Variants in RIMS2 observed in about 807,000 individuals in gnomAD.
RIMS2 encodes regulating synaptic membrane exocytosis 2, also known as regulating synaptic membrane exocytosis protein 2.
Under a neutral mutation model 174.4 loss-of-function variants are expected in RIMS2, and 59 were observed. That is an observed-to-expected ratio of 0.34 (90% CI 0.27 to 0.42). The LOEUF (loss-of-function observed/expected upper bound fraction) is 0.42, where lower values mean the gene tolerates loss of function less well. Among genes scored for constraint, RIMS2 ranks in the 10% least tolerant of loss-of-function variants. The probability of loss-of-function intolerance (pLI) is 1.00; values close to 1 mark genes in which losing one functional copy is unlikely to be tolerated. For synonymous variants in RIMS2, 606 were observed against 572.5 expected (o/e 1.06, Z -0.84); for missense variants, 1,620 against 1,666.3 (o/e 0.97, Z 0.48).
intron 1 of RIMS2, among the ~76,000 whole-genome samples, chr8:103,673,614 G>C (rs1430760455): frequency 6.6e-6 from 1 of 152,156 alleles, no homozygotes; most frequent in African/African-American, 2.4e-5. Context: ...AGCATGCCAG[G>C]TGCCATGTCT....
At chr8:103,783,649 T>G (rs2098413782) in intron 3 of RIMS2, among the ~76,000 whole-genome samples, 1 of 152,208 alleles carries the variant, frequency 6.6e-6, no homozygotes, top group Admixed American at 6.5e-5. Context: ...TGCCACATTT[T>G]CTTAATCCAG....
chr8:103,609,378 A>G (rs1013717987), intron 1 of RIMS2, among the ~76,000 whole-genome samples: 7 of 152,096 alleles, frequency 4.6e-5, no homozygotes, highest in African/African-American at 1.4e-4. Context: ...CTATTTGCCA[A>G]TGTTTGTTTT....
intron 19 of RIMS2, among the ~76,000 whole-genome samples, chr8:104,048,467 T>C (rs2096730493): frequency 6.6e-6 from 1 of 152,072 alleles, no homozygotes; most frequent in African/African-American, 2.4e-5. Flanking sequence ...GATAACAGAG[T>C]AGCAGTGAAA....
chr8:104,177,817 G>A (rs1035060639), intron 19 of RIMS2, among the ~76,000 whole-genome samples: 1 of 152,200 alleles, frequency 6.6e-6, no homozygotes, highest in African/African-American at 2.4e-5. Context: ...TGGCCTCGGT[G>A]TCTATCATTA....
At chr8:104,056,126 C>A (rs1290880736) in intron 19 of RIMS2, among the ~76,000 whole-genome samples, 1 of 152,082 alleles carries the variant, frequency 6.6e-6, no homozygotes, top group African/African-American at 2.4e-5. Context: ...ACTAACCGGC[C>A]AGGCGTGGTG....
intron 1 of RIMS2, among the ~76,000 whole-genome samples, chr8:103,662,636 A>G (rs1251860448): frequency 6.6e-6 from 1 of 152,184 alleles, no homozygotes; most frequent in Non-Finnish European, 1.5e-5. Flanking sequence ...ATTTCAGAGA[A>G]GAAATGAAAC....
At chr8:103,953,626 G>A (rs1019505957) in intron 14 of RIMS2, among the ~76,000 whole-genome samples, 6 of 152,174 alleles carry the variant, frequency 3.9e-5, no homozygotes, top group East Asian at 1.9e-4. Context: ...AGGAACAACC[G>A]ATACCAGCCA....
Position 104,093,249 on chromosome 8 carries a change from T to G in RIMS2, c.3334+78634T>G, listed in dbSNP as rs186467067. Among the ~76,000 whole-genome samples the G allele has an allele frequency of 3.3e-3, 498 of 152,048 alleles. 2 individuals are homozygous for G. The highest frequency in any genetic ancestry group is 0.012 in the African/African-American group (480 of 41,480). ...ACTATTTTAATGGCCTTCACTGGGG[T>G]GTGGTAAAAACATTCTAATTACTTT... On this transcript the variant is annotated intron_variant, in intron 19 of 23. Coordinates refer to ENST00000504942, the Ensembl canonical transcript of RIMS2.
intron 4 of RIMS2, among the ~76,000 whole-genome samples, chr8:103,904,647 C>T (rs2073982689): frequency 6.6e-6 from 1 of 152,040 alleles, no homozygotes; most frequent in South Asian, 2.1e-4. Context: ...TTCATTTGGT[C>T]ATAGTGTATA....
intron 19 of RIMS2, among the ~76,000 whole-genome samples, chr8:104,192,876 C>T (rs1257416578): frequency 6.6e-6 from 1 of 152,114 alleles, no homozygotes; most frequent in African/African-American, 2.4e-5. Flanking sequence ...CCCACTACCA[C>T]GTGACTTCTA....
chr8:103,500,823 C>T (rs1308932219), exon 1 of RIMS2: 3 of 1,105,668 alleles, frequency 2.7e-6, no homozygotes, highest in Non-Finnish European at 3.8e-6. Context: ...GCCGCCGCGC[C>T]GGTGCCGCCG....
intron 19 of RIMS2, among the ~76,000 whole-genome samples, chr8:104,063,061 A>G (rs72683180): frequency 0.13 from 19,605 of 151,996 alleles, 1,735 homozygotes; most frequent in Non-Finnish European, 0.19. Context: ...TATTAAAACT[A>G]TACTTTTTAT....
rs545336974 is a variant in RIMS2 at position 103,576,248 on chromosome 8, C to T, written c.176+75186C>T. Among the ~76,000 whole-genome samples the T allele has an allele frequency of 1.9e-4, 29 of 152,312 alleles. No homozygotes were observed. In the South Asian group the frequency reaches 5.2e-3, roughly 27 times the overall value. On this transcript the variant is annotated intron_variant, in intron 1 of 23. Transcript: ENST00000504942. ...AACCAAGGCAAACTTGGGTTTAATG[C>T]ACCAACTAGTGCCAAAACGGTGGCA... is the stretch of plus-strand genomic sequence containing the variant.
intron 19 of RIMS2, among the ~76,000 whole-genome samples, chr8:104,219,604 CA>C (rs1359884172): frequency 6.6e-6 from 1 of 152,068 alleles, no homozygotes; most frequent in Admixed American, 6.5e-5. Flanking sequence ...ATCTTTTCTT[CA>C]AAAAGGTGAT....
At chr8:103,574,452 A>G (rs1017521620) in intron 1 of RIMS2, among the ~76,000 whole-genome samples, 2 of 152,142 alleles carry the variant, frequency 1.3e-5, no homozygotes, top group Non-Finnish European at 2.9e-5. Flanking sequence ...CTCCTGCTCT[A>G]GTTTATTATG....
intron 3 of RIMS2, among the ~76,000 whole-genome samples, chr8:103,824,218 T>C (rs2098772122): frequency 6.6e-6 from 1 of 152,186 alleles, no homozygotes; most frequent in African/African-American, 2.4e-5. Flanking sequence ...TGGTGATGAC[T>C]GACAGGTAAA....
At chr8:103,646,054 G>T (rs1042537763) in intron 1 of RIMS2, among the ~76,000 whole-genome samples, 3 of 152,018 alleles carry the variant, frequency 2.0e-5, no homozygotes, top group Non-Finnish European at 4.4e-5. Flanking sequence ...CAGTTGTGGG[G>T]TTCACAAAGT....
chr8:104,072,494 A>G (rs1295318961), intron 19 of RIMS2, among the ~76,000 whole-genome samples: 2 of 152,130 alleles, frequency 1.3e-5, no homozygotes, highest in African/African-American at 2.4e-5. Flanking sequence ...TAAGTCATGG[A>G]AAGTATTACT....
intron 1 of RIMS2, among the ~76,000 whole-genome samples, chr8:103,586,206 C>A (rs1223733451): frequency 1.3e-5 from 2 of 152,116 alleles, no homozygotes; most frequent in African/African-American, 2.4e-5. Flanking sequence ...AGAAAATTAG[C>A]AAAGAAACAT....
Sources: gnomAD v4.1 joint callset for allele counts (sites outside exome capture counted in the v4.1 genomes callset) on GRCh38, gnomAD v4.1.1 for gene constraint, MANE v1.5 for transcripts, NCBI Gene and HGNC (gene_info 2026-07-23, HGNC 2026-07-21) for gene names.